The following ABRACL variants were observed in gnomAD, a reference collection of about 807,000 sequenced individuals.
ABRACL encodes costars family protein ABRACL.
A neutral mutation model predicts 7.0 loss-of-function variants in ABRACL; 4 were observed. The observed-to-expected ratio is 0.57, with a 90% confidence interval of 0.28 to 1.30. ABRACL has a LOEUF of 1.30. Among genes scored for constraint, ABRACL ranks in the 50% most tolerant of loss-of-function variants. ABRACL has a pLI of 0.10. For synonymous variants in ABRACL, 30 were observed against 36.0 expected, an observed-to-expected ratio of 0.83 and a Z score of 0.60; for missense variants, 104 against 97.3, an observed-to-expected ratio of 1.07 and a Z score of -0.29.
chr6:139,029,222 C>T (rs985522339), intron 1 of ABRACL, among the ~76,000 whole-genome samples: 5 of 152,144 alleles, frequency 3.3e-5, no homozygotes, highest in Non-Finnish European at 7.4e-5. Context: ...GCCAGTTCTG[C>T]AGAGCTGGGT....
At chr6:139,037,509 C>T (rs1168175298) in intron 2 of ABRACL, among the ~76,000 whole-genome samples, 2 of 152,136 alleles carry the variant, frequency 1.3e-5, no homozygotes, top group Non-Finnish European at 2.9e-5. Flanking sequence ...CATCCGCCTG[C>T]CTCAGCCTCC....
At chr6:139,039,230 G>GA (rs56029994) in intron 2 of ABRACL, among the ~76,000 whole-genome samples, 61,055 of 148,880 alleles carry the variant, frequency 0.41, 13,822 homozygotes, top group East Asian at 0.91. Context: ...CATCTCAAAA[G>GA]AAAAAAAAAA....
chr6:139,031,117 C>T (rs1267971482), intron 1 of ABRACL, among the ~76,000 whole-genome samples: 2 of 152,116 alleles, frequency 1.3e-5, no homozygotes, highest in East Asian at 1.9e-4. Flanking sequence ...TTTCCGGGGT[C>T]GGGAATCAGA....
intron 2 of ABRACL, among the ~76,000 whole-genome samples, chr6:139,040,127 A>G (rs1192651532): frequency 6.6e-6 from 1 of 152,176 alleles, no homozygotes; most frequent in African/African-American, 2.4e-5. Context: ...GGATTAAAGT[A>G]GAAGAGTAAC....
chr6:139,034,023 A>G (rs938726342), intron 1 of ABRACL, 132 bp from the exon 2 acceptor site: 1 of 1,256,850 alleles, frequency 8.0e-7, no homozygotes, highest in Non-Finnish European at 1.1e-6. Flanking sequence ...TCACACAAAT[A>G]TTTTTAGGAA....
In ABRACL at chr6:139,042,898, G is replaced by A; in HGVS notation, c.241G>A (p.Asp81Asn). Residue 81 changes from aspartate to asparagine, a missense_variant, in exon 3 of 3, where the codon GAT becomes AAT. Transcript: ENST00000367660. ...TGATGTTGACATTATATTACTGCAA[G>A]ATTAATGTGGTTTACATATCTTTAT... ...HDDVDIILLQ[D>N] 1 of 1,605,882 alleles carries A rather than the reference G, an allele frequency of 6.2e-7. No homozygotes were observed. The highest frequency in any genetic ancestry group is 8.5e-7 in the Non-Finnish European group (1 of 1,176,434).
At chr6:139,039,088 G>A (rs1015099795) in intron 2 of ABRACL, among the ~76,000 whole-genome samples, 7 of 152,040 alleles carry the variant, frequency 4.6e-5, no homozygotes, top group African/African-American at 9.7e-5. Context: ...GCTGGGCCTC[G>A]TGGCGGGTGC....
chr6:139,033,447 GT>G (rs1786110441), intron 1 of ABRACL, among the ~76,000 whole-genome samples: 1 of 152,254 alleles, frequency 6.6e-6, no homozygotes, highest in Non-Finnish European at 1.5e-5. Flanking sequence ...AATTGCTGTT[GT>G]ATTGATCTGC....
chr6:139,041,531 A>ATATTTTTT (rs748288046), intron 2 of ABRACL, among the ~76,000 whole-genome samples: 59 of 126,038 alleles, frequency 4.7e-4, no homozygotes, highest in East Asian at 1.2e-3. Flanking sequence ...ATATATATAT[A>ATATTTTTT]TTTTTTTTTA....
At position 139,042,738 on chromosome 6, in the gene ABRACL, C is replaced by G; in HGVS notation, c.81C>G (p.Ser27Arg). 1 of 1,610,640 alleles carries G rather than the reference C, an allele frequency of 6.2e-7. No individual in the cohort carries two copies. Among genetic ancestry groups the G allele is most frequent in the Non-Finnish European group, 8.5e-7 (1 of 1,178,486 alleles). ...LGSKNADGKL[S>R]VKFGVLFRDD... ...AACTAGATGCTGATGGAAAGTTAAG[C>G]GTGAAATTTGGGGTCCTCTTCCGTG... The change falls in exon 3 of 3, where the codon AGC becomes AGG. Residue 27 changes from serine to arginine, a missense_variant. Coordinates refer to ENST00000367660, the MANE Select transcript of ABRACL (RefSeq NM_021243.3).
In ABRACL at chr6:139,037,441, A is replaced by G. The variant is rs563837495; in HGVS notation, c.61+3220A>G. On this transcript the variant is annotated intron_variant, in intron 2 of 2. Coordinates refer to ENST00000367660, the MANE Select transcript of ABRACL (RefSeq NM_021243.3). ...ACGCCTGGTTAAGTTTTGTATTTTT[A>G]GTAGAGATGGGGTTTTGCCATGTTG... is the stretch of plus-strand genomic sequence containing the variant. 4.6e-5 allele frequency among the ~76,000 whole-genome samples: 7 copies of G among 152,140 alleles called. No homozygotes were observed. The East Asian group carries it at 1.4e-3, about 29-fold the overall frequency.
chr6:139,038,601 A>C (rs1786199642), intron 2 of ABRACL, among the ~76,000 whole-genome samples: 1 of 152,192 alleles, frequency 6.6e-6, no homozygotes, highest in South Asian at 2.1e-4. Flanking sequence ...AAATGGGGAG[A>C]GTGCACTTGG....
intron 1 of ABRACL, among the ~76,000 whole-genome samples, chr6:139,031,235 G>A (rs528709286): frequency 9.5e-4 from 144 of 152,252 alleles, no homozygotes; most frequent in African/African-American, 3.3e-3. Flanking sequence ...TACTATGTCT[G>A]CATTAATATT....
chr6:139,036,079 G>A (rs1701237858), intron 2 of ABRACL, among the ~76,000 whole-genome samples: 1 of 152,008 alleles, frequency 6.6e-6, no homozygotes, highest in South Asian at 2.1e-4. Flanking sequence ...ACTCCAGCCT[G>A]GGCAATGGGG....
intron 2 of ABRACL, among the ~76,000 whole-genome samples, chr6:139,042,251 T>C (rs1248516172): frequency 6.7e-6 from 1 of 150,200 alleles, no homozygotes; most frequent in Admixed American, 6.6e-5. Context: ...TCAGATTCAG[T>C]GGTCCTGATG....
At position 139,042,924 on chromosome 6, in the gene ABRACL, G is replaced by T; in HGVS notation, c.*21G>T. The stretch of plus-strand genomic sequence containing the variant: ...ATTAATGTGGTTTACATATCTTTAT[G>T]TACTGCCATTTTTTGTTTCTGGTAA... On this transcript the variant is annotated 3_prime_UTR_variant, in exon 3 of 3. Coordinates refer to ENST00000367660, the MANE Select transcript of ABRACL (RefSeq NM_021243.3). The T allele has an allele frequency of 6.5e-7, 1 of 1,546,314 alleles. No individual in the cohort carries two copies. Among genetic ancestry groups the T allele is most frequent in the Non-Finnish European group, 8.7e-7 (1 of 1,144,700 alleles).
chr6:139,034,277 G>C, intron 2 of ABRACL, 56 bp downstream of exon 2: 1 of 1,614,088 alleles, frequency 6.2e-7, no homozygotes, highest in Non-Finnish European at 8.5e-7. Context: ...GAACAGGTGA[G>C]ACTGGCATGC....
At chr6:139,029,816 G>C (rs117194305) in intron 1 of ABRACL, among the ~76,000 whole-genome samples, 1,688 of 152,304 alleles carry the variant, frequency 0.011, 37 homozygotes, top group African/African-American at 0.038. Flanking sequence ...GTTGGTTCCT[G>C]ATTCCGGACA....
intron 1 of ABRACL, among the ~76,000 whole-genome samples, chr6:139,033,900 G>A (rs1222324543): frequency 6.6e-6 from 1 of 151,226 alleles, no homozygotes; most frequent in Non-Finnish European, 1.5e-5. Flanking sequence ...AATCGTGGGT[G>A]CAAGGAGAAT....
Sources: allele counts gnomAD v4.1 joint callset (sites outside exome capture counted in the v4.1 genomes callset), GRCh38; gene constraint gnomAD v4.1.1; transcripts MANE v1.5; gene names NCBI Gene and HGNC (gene_info 2026-07-23, HGNC 2026-07-21).